TENM2: variants seen among roughly 807,000 people sequenced by gnomAD.
TENM2 encodes teneurin transmembrane protein 2.
In TENM2, 52 loss-of-function variants were observed where a neutral mutation model predicts 245.2. That is an observed-to-expected ratio of 0.21 (90% CI 0.17 to 0.27). The LOEUF (loss-of-function observed/expected upper bound fraction) is 0.27, where lower values mean the gene tolerates loss of function less well. Among genes scored for constraint, TENM2 ranks in the 10% least tolerant of loss-of-function variants. TENM2 has a pLI of 1.00. For synonymous variants in TENM2, 1,363 were observed against 1,438.9 expected (o/e 0.95, Z 1.19); for missense variants, 3,046 against 3,666.8 (o/e 0.83, Z 4.37).
chr5:167,239,071 C>T, the TENM2 span, among the ~76,000 whole-genome samples: 2 of 152,156 alleles, frequency 1.3e-5, no homozygotes, highest in Admixed American at 6.5e-5. Context: ...AAATAAATCC[C>T]CCAAAACAAC....
At chr5:167,757,413 A>G (rs1270636989) in intron 2 of TENM2, among the ~76,000 whole-genome samples, 3 of 152,148 alleles carry the variant, frequency 2.0e-5, no homozygotes, top group African/African-American at 7.2e-5. Flanking sequence ...CCTGCAAGGG[A>G]CATGAACTCA....
intron 5 of TENM2, among the ~76,000 whole-genome samples, chr5:168,040,995 T>C (rs1291294472): frequency 6.6e-6 from 1 of 152,212 alleles, no homozygotes; most frequent in African/African-American, 2.4e-5. Context: ...GGGAAGTGTG[T>C]ATTCATGAGT....
chr5:168,253,678 G>A (rs1490834746), intron 27 of TENM2, among the ~76,000 whole-genome samples: 1 of 152,112 alleles, frequency 6.6e-6, no homozygotes, highest in South Asian at 2.1e-4. Flanking sequence ...GCCCGCCTCG[G>A]CCTCCCAAAG....
intron 12 of TENM2, among the ~76,000 whole-genome samples, chr5:168,148,213 A>T (rs1433711980): frequency 6.6e-6 from 1 of 152,212 alleles, no homozygotes; most frequent in African/African-American, 2.4e-5. Flanking sequence ...GCTGTTTTGC[A>T]TGTGTAAGAT....
At chr5:167,532,070 T>C (rs1771541460) in intron 2 of TENM2, among the ~76,000 whole-genome samples, 1 of 152,188 alleles carries the variant, frequency 6.6e-6, no homozygotes, top group Admixed American at 6.5e-5. Flanking sequence ...GCCTCATCTT[T>C]AATCTCATGG....
the TENM2 span, among the ~76,000 whole-genome samples, chr5:167,057,604 G>C: frequency 6.6e-6 from 1 of 152,132 alleles, no homozygotes; most frequent in Non-Finnish European, 1.5e-5. Context: ...AGGGGCTAAA[G>C]TTGGTATTTT....
intron 5 of TENM2, among the ~76,000 whole-genome samples, chr5:168,003,317 A>G (rs1784554339): frequency 7.8e-6 from 1 of 128,268 alleles, no homozygotes; most frequent in African/African-American, 3.0e-5. Flanking sequence ...ACACACACAC[A>G]CACACACACA....
intron 2 of TENM2, among the ~76,000 whole-genome samples, chr5:167,562,637 T>C (rs922048438): frequency 3.3e-5 from 5 of 152,174 alleles, no homozygotes; most frequent in African/African-American, 9.7e-5. Context: ...AATGGAAGCC[T>C]GTGACTGCTG....
chr5:167,640,859 C>CCA (rs1779522725), intron 2 of TENM2, among the ~76,000 whole-genome samples: 1 of 9,180 alleles, frequency 1.1e-4, no homozygotes, highest in African/African-American at 3.7e-4. Flanking sequence ...ATATATATAT[C>CCA]CATATATATA....
At chr5:167,723,215 T>C (rs1759755292) in intron 2 of TENM2, among the ~76,000 whole-genome samples, 1 of 152,192 alleles carries the variant, frequency 6.6e-6, no homozygotes, top group Non-Finnish European at 1.5e-5. Flanking sequence ...GGGCTTATTT[T>C]ATTAAAACAT....
intron 2 of TENM2, among the ~76,000 whole-genome samples, chr5:167,732,497 A>C (rs1454369562): frequency 1.3e-5 from 2 of 152,184 alleles, no homozygotes; most frequent in Admixed American, 1.3e-4. Flanking sequence ...AACTTAAAAG[A>C]TGATAAGTAT....
At chr5:167,973,997 G>A (rs1276602882) in intron 4 of TENM2, among the ~76,000 whole-genome samples, 2 of 113,518 alleles carry the variant, frequency 1.8e-5, no homozygotes, top group Non-Finnish European at 1.7e-5. Flanking sequence ...AGAAGGAAGG[G>A]AGAAAGGGAG....
intron 23 of TENM2, among the ~76,000 whole-genome samples, chr5:168,220,083 A>T (rs898004518): frequency 6.6e-6 from 1 of 152,124 alleles, no homozygotes; most frequent in Non-Finnish European, 1.5e-5. Context: ...AAGCATCTTA[A>T]TACCCTTCAG....
intron 2 of TENM2, among the ~76,000 whole-genome samples, chr5:167,568,465 T>C (rs1323896316): frequency 6.6e-6 from 1 of 152,098 alleles, no homozygotes; most frequent in African/African-American, 2.4e-5. Context: ...GTCTAGCTAC[T>C]AGGAATATAG....
the TENM2 span, among the ~76,000 whole-genome samples, chr5:167,186,082 G>A: frequency 2.6e-5 from 4 of 152,078 alleles, no homozygotes; most frequent in Non-Finnish European, 4.4e-5. Flanking sequence ...TTAACAGAGT[G>A]GAATTCAGCC....
At chr5:167,269,198 A>C in the TENM2 span, among the ~76,000 whole-genome samples, 2 of 152,170 alleles carry the variant, frequency 1.3e-5, no homozygotes, top group Non-Finnish European at 2.9e-5. Flanking sequence ...AGATATATTC[A>C]GGGCAGTTAA....
the TENM2 span, among the ~76,000 whole-genome samples, chr5:167,057,280 T>C: frequency 1.3e-5 from 2 of 152,190 alleles, no homozygotes; most frequent in Non-Finnish European, 2.9e-5. Context: ...TTATTAATGG[T>C]CATTTAAAAA....
intron 2 of TENM2, among the ~76,000 whole-genome samples, chr5:167,788,699 A>G (rs1764744399): frequency 6.6e-6 from 1 of 152,206 alleles, no homozygotes; most frequent in South Asian, 2.1e-4. Context: ...CCAGTGACAT[A>G]GTGTCTCTCA....
In TENM2 at chr5:167,783,525, T is replaced by C. The variant is rs528696742; in HGVS notation, c.503-92461T>C. On this transcript the variant is annotated intron_variant, in intron 2 of 28. Transcript: ENST00000518659. Reference sequence around the variant, plus strand: ...TCCCCAGGAAACTCGTTAATGCAGTTAGATGCCACGGCAGTGTGCACTTAA... The same window carrying C: ...TCCCCAGGAAACTCGTTAATGCAGTCAGATGCCACGGCAGTGTGCACTTAA... Among the ~76,000 whole-genome samples, 56 of 152,324 alleles carry C rather than the reference T, an allele frequency of 3.7e-4. 2 individuals are homozygous for C. The highest frequency in any genetic ancestry group is 1.2e-3 in the African/African-American group (50 of 41,576).
Sources: allele counts gnomAD v4.1 joint callset (sites outside exome capture counted in the v4.1 genomes callset), GRCh38; gene constraint gnomAD v4.1.1; transcripts MANE v1.5; gene names NCBI Gene and HGNC (gene_info 2026-07-23, HGNC 2026-07-21).